The following ERCC1 variants were observed in gnomAD, a reference collection of about 807,000 sequenced individuals.
ERCC1 encodes the protein DNA excision repair protein ERCC-1.
Under a neutral mutation model 37.6 loss-of-function variants are expected in ERCC1, and 36 were observed. The ratio of observed to expected loss-of-function variants is 0.96; its 90% CI spans 0.73 to 1.26. The LOEUF is 1.26. ERCC1 is among the 50% of genes most tolerant of loss of function. The pLI is 0.00. For synonymous variants in ERCC1, 156 were observed against 162.1 expected (o/e 0.96, Z 0.28); for missense variants, 349 against 376.5 (o/e 0.93, Z 0.60).
chr19:45,414,550 C>T, intron 7 of ERCC1: 1 of 412,590 alleles, frequency 2.4e-6, no homozygotes. Flanking sequence ...GAGAAGCGAG[C>T]TAGGCCTGGG....
At position 45,416,545 on chromosome 19, in the gene ERCC1, G is replaced by C. The variant is rs3212968; in HGVS notation, c.602+276C>G. On this transcript the variant is annotated intron_variant, in intron 6 of 9. Transcript: ENST00000300853. ...TGCACACCTGTAATCCCAGCTACTT[G>C]GGAGGCTGAGGCAGAATTGCTTGAA... The C allele has an allele frequency of 3.9e-3, 1,741 of 449,296 alleles. 21 individuals are homozygous for C. Among genetic ancestry groups the C allele is most frequent in the African/African-American group, 0.023 (1,154 of 50,446 alleles). 27.8% of individuals were successfully genotyped at this position (449,296 alleles called of 1,614,324 possible).
At chr19:45,415,059 C>T (rs1333091216) in intron 6 of ERCC1, 99 bp from the exon 7 acceptor site, 11 of 855,550 alleles carry the variant, frequency 1.3e-5, no homozygotes, top group Non-Finnish European at 1.9e-5. Flanking sequence ...CTAGGCCGGG[C>T]GCGGTGGCTC....
At chr19:45,432,720 T>A (rs1169943884) in intron 1 of ERCC1, among the ~76,000 whole-genome samples, 1 of 152,160 alleles carries the variant, frequency 6.6e-6, no homozygotes, top group Non-Finnish European at 1.5e-5. Flanking sequence ...TTTATTTATT[T>A]TTGTAGAGAC....
Position 45,420,566 on chromosome 19 carries a change from C to T in ERCC1, c.322-139G>A, listed in dbSNP as rs1482380154. 4 of 689,318 alleles carry T rather than the reference C, an allele frequency of 5.8e-6. No homozygotes were observed. 42.7% of individuals were successfully genotyped at this position (689,318 alleles called of 1,614,324 possible). A position where few individuals can be genotyped will look rare whatever the true frequency, so the allele number is the denominator to read the frequency against. Reference sequence around the variant, plus strand: ...CTGCCTCCTCGCACCTCTTCCCACACCTCCTCCCTCCTCCCACCTGTGGCA... The same window carrying T: ...CTGCCTCCTCGCACCTCTTCCCACATCTCCTCCCTCCTCCCACCTGTGGCA... On this transcript the variant is annotated intron_variant, in intron 3 of 9. Transcript: ENST00000300853. The surrounding 1 kb of genome is among the most constrained non-coding windows in gnomAD (Gnocchi z 4.8).
At chr19:45,424,680 C>CT (rs1280776376), upstream of ERCC1, among the ~76,000 whole-genome samples, 2 of 152,048 alleles carry the variant, frequency 1.3e-5, no homozygotes, top group Non-Finnish European at 2.9e-5. Flanking sequence ...GGTTGTATGG[C>CT]TTTTTTATTA....
chr19:45,427,160 AC>A (rs1420953453), upstream of ERCC1, among the ~76,000 whole-genome samples: 2 of 151,936 alleles, frequency 1.3e-5, no homozygotes, highest in East Asian at 1.9e-4. Flanking sequence ...AAACAAAAAA[AC>A]GAAAGAAAAG....
At chr19:45,414,515 A>G in intron 7 of ERCC1, 1 of 364,668 alleles carries the variant, frequency 2.7e-6, no homozygotes. Context: ...AATTGGGCAG[A>G]GGGAACAGAA....
intron 2 of ERCC1, 144 bp downstream of exon 2, chr19:45,423,126 C>A: frequency 1.3e-6 from 1 of 748,596 alleles, no homozygotes; most frequent in South Asian, 1.7e-5. Flanking sequence ...AAACTGGGAC[C>A]TGGGGAGGAC....
At chr19:45,448,553 AAAAG>A (rs1458664991) in intron 1 of ERCC1, among the ~76,000 whole-genome samples, 1 of 152,096 alleles carries the variant, frequency 6.6e-6, no homozygotes, top group African/African-American at 2.4e-5. Context: ...GGTTCAGAAA[AAAAG>A]AAGAGAGAGG....
At chr19:45,425,057 A>G (rs139585606), upstream of ERCC1, among the ~76,000 whole-genome samples, 297 of 146,234 alleles carry the variant, frequency 2.0e-3, 1 homozygote, top group African/African-American at 7.1e-3. Flanking sequence ...CTGGGATTAC[A>G]GGCATGTGCC....
chr19:45,435,413 A>G (rs972475464), intron 1 of ERCC1, among the ~76,000 whole-genome samples: 1 of 152,204 alleles, frequency 6.6e-6, no homozygotes, highest in Non-Finnish European at 1.5e-5. Context: ...TAGGACTCCA[A>G]CCAAACCTTG....
At chr19:45,427,582 C>G (rs1266153486), upstream of ERCC1, among the ~76,000 whole-genome samples, 1 of 152,182 alleles carries the variant, frequency 6.6e-6, no homozygotes, top group East Asian at 1.9e-4. Context: ...CCACTGCACT[C>G]TAGCCTGGGC....
At chr19:45,424,014 A>T (rs1025053041), upstream of ERCC1, 3 of 1,051,498 alleles carry the variant, frequency 2.9e-6, no homozygotes, top group African/African-American at 5.0e-5. Flanking sequence ...AGGTCGTGGG[A>T]GGAGAGAGAT....
upstream of ERCC1, among the ~76,000 whole-genome samples, chr19:45,424,922 C>CT (rs986137310): frequency 0.18 from 21,825 of 121,748 alleles, 2,313 homozygotes; most frequent in East Asian, 0.43. Flanking sequence ...TCTTTTTTTT[C>CT]TTTTTTTTTT....
intron 1 of ERCC1, among the ~76,000 whole-genome samples, chr19:45,439,817 G>C (rs1462860262): frequency 6.6e-6 from 1 of 152,010 alleles, no homozygotes; most frequent in African/African-American, 2.4e-5. Flanking sequence ...GGGGTAGGGG[G>C]ACGGCTGTGA....
At chr19:45,431,281 TCTCA>T (rs1414247386) in intron 1 of ERCC1, among the ~76,000 whole-genome samples, 1 of 152,186 alleles carries the variant, frequency 6.6e-6, no homozygotes, top group Admixed American at 6.5e-5. Context: ...ATGCCCTTCC[TCTCA>T]CTAAGTTTTT....
intron 2 of ERCC1, among the ~76,000 whole-genome samples, 179 bp downstream of exon 2, chr19:45,423,091 C>T (rs1478971408): frequency 1.3e-5 from 2 of 152,144 alleles, no homozygotes; most frequent in African/African-American, 4.8e-5. Context: ...TCTCTTAGAA[C>T]CACCCATCCA....
intron 1 of ERCC1, among the ~76,000 whole-genome samples, chr19:45,429,391 C>T (rs1974780312): frequency 6.6e-6 from 1 of 152,148 alleles, no homozygotes; most frequent in Admixed American, 6.5e-5. Context: ...ACCTGGGAGA[C>T]AGAGGTTGTA....
At chr19:45,426,887 G>C (rs1481616667), upstream of ERCC1, among the ~76,000 whole-genome samples, 2 of 149,848 alleles carry the variant, frequency 1.3e-5, no homozygotes, top group Non-Finnish European at 2.9e-5. Flanking sequence ...TTGAACCCGG[G>C]AGGTGGAAGT....
Sources: allele counts gnomAD v4.1 joint callset (sites outside exome capture counted in the v4.1 genomes callset), GRCh38; gene constraint gnomAD v4.1.1; non-coding constraint Gnocchi (gnomAD v3.1); transcripts MANE v1.5; gene names NCBI Gene and HGNC (gene_info 2026-07-23, HGNC 2026-07-21).